The following THTPA variants were observed in gnomAD, a reference collection of about 807,000 sequenced individuals.
THTPA encodes thiamine triphosphatase, also known as thiamine-triphosphatase.
A neutral mutation model predicts 16.5 loss-of-function variants in THTPA; 16 were observed. That is an observed-to-expected ratio of 0.97 (90% confidence interval 0.66 to 1.47). THTPA has a LOEUF of 1.47. Ranked by LOEUF, THTPA falls within the 40% of genes most tolerant of loss-of-function variation. The pLI is 0.00. For missense variants in THTPA, 281 were observed against 280.9 expected, an observed-to-expected ratio of 1.00 and a Z score of 0.00; for synonymous variants, 110 against 115.5, an observed-to-expected ratio of 0.95 and a Z score of 0.30.
chr14:23,541,144 G>A, the THTPA span, among the ~76,000 whole-genome samples: 1 of 151,870 alleles, frequency 6.6e-6, no homozygotes, highest in Non-Finnish European at 1.5e-5. Context: ...GACCTCAGGT[G>A]ATCCACCTGC....
upstream of THTPA, among the ~76,000 whole-genome samples, chr14:23,554,549 ATTT>A (rs35367737): frequency 8.1e-5 from 11 of 135,640 alleles, no homozygotes; most frequent in Admixed American, 2.2e-4. Flanking sequence ...GCTAATTAAA[ATTT>A]TTTTTTTTTT....
the THTPA span, chr14:23,514,473 T>C: frequency 6.6e-6 from 1 of 152,610 alleles, no homozygotes; most frequent in African/African-American, 2.4e-5. Flanking sequence ...CTTGCTGAGC[T>C]GGGCTCTAGA....
upstream of THTPA, chr14:23,551,550 A>C (rs375629129): frequency 1.3e-5 from 2 of 152,468 alleles, no homozygotes; most frequent in East Asian, 3.9e-4. The surrounding 1 kb of genome is among the most constrained non-coding windows in gnomAD (Gnocchi z 5.3). Context: ...CGGTGAGGGA[A>C]GTGAAGGAAA....
Position 23,559,028 on chromosome 14 carries a change from G to C in THTPA, c.*188G>C, listed in dbSNP as rs752819115. On this transcript the variant is annotated 3_prime_UTR_variant, in exon 2 of 2. Coordinates refer to ENST00000288014, the MANE Select transcript of THTPA (RefSeq NM_024328.6). Reference sequence around the variant, plus strand: ...CCTGGCTGCTTCCTCTCGCTCATCCGTCAGATGCAATCTGTGGGCCGCCCC... The same window carrying C: ...CCTGGCTGCTTCCTCTCGCTCATCCCTCAGATGCAATCTGTGGGCCGCCCC... The C allele has an allele frequency of 1.8e-5, 12 of 675,826 alleles. No individual in the cohort carries two copies. The highest frequency in any genetic ancestry group is 2.7e-5 in the Non-Finnish European group (11 of 411,180). 41.9% of individuals were successfully genotyped at this position (675,826 alleles called of 1,614,324 possible).
the THTPA span, chr14:23,533,226 G>C: frequency 4.2e-6 from 6 of 1,436,046 alleles, no homozygotes; most frequent in Non-Finnish European, 5.5e-6. The surrounding 1 kb of genome is among the most constrained non-coding windows in gnomAD (Gnocchi z 4.8). Flanking sequence ...TTGGGAGAAA[G>C]CACGGAATAG....
Position 23,559,592 on chromosome 14 carries a change from A to G in THTPA, c.*752A>G. ...TGGCTTTCCTCACTTCTCAGGCTTT[A>G]TTGGGCTTTATTTGTGGGAGAAGGG... On this transcript the variant is annotated 3_prime_UTR_variant, in exon 2 of 2. Coordinates refer to ENST00000288014, the MANE Select transcript of THTPA (RefSeq NM_024328.6). 1.5e-6 allele frequency: 1 copy of G among 646,658 alleles called. No homozygotes were observed. Among genetic ancestry groups the G allele is most frequent in the Non-Finnish European group, 2.8e-6 (1 of 362,836 alleles). The allele number at this position is 646,658 out of a possible 1,614,324, so 40.1% of individuals were successfully genotyped here.
intron 1 of THTPA, 149 bp from the exon 2 acceptor site, chr14:23,558,545 CT>C: frequency 1.0e-6 from 1 of 972,062 alleles, no homozygotes; most frequent in Non-Finnish European, 1.5e-6. Context: ...AGGGAGTGGA[CT>C]AGTGTGTTAC....
the THTPA span, among the ~76,000 whole-genome samples, chr14:23,515,494 G>A: frequency 3.3e-5 from 5 of 152,180 alleles, no homozygotes. Flanking sequence ...GGGAGATTGA[G>A]GATAAGCAAT....
the THTPA span, among the ~76,000 whole-genome samples, chr14:23,550,765 G>A: frequency 6.6e-6 from 1 of 152,146 alleles, no homozygotes; most frequent in East Asian, 1.9e-4. Context: ...TTCAAAAAAA[G>A]GAATGGAAAG....
At chr14:23,527,677 C>T in the THTPA span, 62 of 1,536,178 alleles carry the variant, frequency 4.0e-5, no homozygotes, top group Admixed American at 6.7e-4. Context: ...CAGGGCAGGC[C>T]GGCCCACCAG....
chr14:23,537,525 C>T, the THTPA span, among the ~76,000 whole-genome samples: 76 of 152,244 alleles, frequency 5.0e-4, no homozygotes, highest in African/African-American at 1.7e-3. Context: ...TTGTAGCTTC[C>T]CTCCTCCTGG....
the THTPA span, among the ~76,000 whole-genome samples, chr14:23,544,451 A>G: frequency 7.2e-5 from 11 of 152,106 alleles, no homozygotes; most frequent in Non-Finnish European, 1.5e-4. Flanking sequence ...TTTTGATTGT[A>G]TGTGGGGCAG....
upstream of THTPA, among the ~76,000 whole-genome samples, chr14:23,551,106 C>T (rs545140391): frequency 2.7e-4 from 41 of 151,992 alleles, no homozygotes; most frequent in Middle Eastern, 3.4e-3. This position sits in a 1 kb window ranked among gnomAD's most constrained non-coding sequence, Gnocchi z 5.3. Flanking sequence ...CCCATCCTCG[C>T]GCACGCCCTC....
chr14:23,542,035 G>T, the THTPA span: 2 of 152,324 alleles, frequency 1.3e-5, no homozygotes, highest in African/African-American at 4.8e-5. Flanking sequence ...GTTGTAAAGG[G>T]CAAAGAAAGA....
the THTPA span, chr14:23,526,846 C>A: frequency 6.5e-7 from 1 of 1,528,164 alleles, no homozygotes; most frequent in Non-Finnish European, 8.7e-7. Flanking sequence ...CCATTCCTTA[C>A]CTGCTGCCTG....
rs1233266706 is a variant in THTPA, at chr14:23,560,008, C to T, written c.*1168C>T. 1 of 1,611,372 alleles carries T rather than the reference C, an allele frequency of 6.2e-7. No individual in the cohort carries two copies. Among genetic ancestry groups the T allele is most frequent in the Non-Finnish European group, 8.5e-7 (1 of 1,178,482 alleles). ...ACCCCGAGCTGGAACTGTGTTCCCA[C>T]TGGGGGCCTGCAGCTGCAGCTGGAG... On this transcript the variant is annotated 3_prime_UTR_variant, in exon 2 of 2. Transcript: ENST00000288014.
At chr14:23,522,098 C>T in the THTPA span, 2 of 1,535,682 alleles carry the variant, frequency 1.3e-6, no homozygotes, top group Non-Finnish European at 1.7e-6. Context: ...GGGTGGGCCC[C>T]CTTGAGGTGG....
chr14:23,532,591 G>A, the THTPA span: 30 of 1,441,358 alleles, frequency 2.1e-5, no homozygotes, highest in African/African-American at 4.3e-5. Context: ...TGTTTTCTTC[G>A]TGGGCTGCAC....
the THTPA span, chr14:23,527,901 CTT>C: frequency 0.11 from 45,871 of 424,656 alleles, no homozygotes; most frequent in South Asian, 0.15. Flanking sequence ...GCCCCCACTC[CTT>C]TTTTTTTTTT....
Sources: gnomAD v4.1 joint callset for allele counts (sites outside exome capture counted in the v4.1 genomes callset) on GRCh38, gnomAD v4.1.1 for gene constraint, Gnocchi (gnomAD v3.1) non-coding constraint, MANE v1.5 for transcripts, NCBI Gene and HGNC (gene_info 2026-07-23, HGNC 2026-07-21) for gene names.